Variants in SGCZ observed in about 807,000 individuals in gnomAD.
SGCZ encodes the protein sarcoglycan zeta.
Under a neutral mutation model 41.3 loss-of-function variants are expected in SGCZ, and 40 were observed. The observed-to-expected ratio is 0.97, with a 90% CI of 0.75 to 1.26. The LOEUF (loss-of-function observed/expected upper bound fraction) is 1.26, where lower values mean the gene tolerates loss of function less well. SGCZ is among the 50% of genes most tolerant of loss of function. The pLI, the probability that SGCZ is intolerant of heterozygous loss-of-function variation, is 0.00. For missense variants in SGCZ, 552 were observed against 369.8 expected (o/e 1.49, Z -4.04); for synonymous variants, 206 against 137.5 (o/e 1.50, Z -3.49).
intron 5 of SGCZ, among the ~76,000 whole-genome samples, chr8:14,146,945 G>C (rs1436041756): frequency 7.4e-6 from 1 of 134,708 alleles, no homozygotes; most frequent in African/African-American, 2.5e-5. Context: ...AGTACACTAA[G>C]GAATAAACAG....
chr8:15,234,575 A>G (rs1455808307), intron 1 of SGCZ, among the ~76,000 whole-genome samples: 1 of 152,232 alleles, frequency 6.6e-6, no homozygotes, highest in Non-Finnish European at 1.5e-5. Flanking sequence ...TTTTACACAC[A>G]TAACTGTATT....
chr8:14,214,291 G>C (rs1395761121), intron 4 of SGCZ, among the ~76,000 whole-genome samples: 1 of 152,128 alleles, frequency 6.6e-6, no homozygotes, highest in Admixed American at 6.5e-5. Context: ...ATCAAAGAAA[G>C]TCTGTGCAAC....
chr8:14,822,063 C>T (rs888317946), intron 1 of SGCZ, among the ~76,000 whole-genome samples: 1 of 139,118 alleles, frequency 7.2e-6, no homozygotes, highest in Non-Finnish European at 1.5e-5. Context: ...ATATAAAAAA[C>T]CCTAAAGATT....
intron 1 of SGCZ, among the ~76,000 whole-genome samples, chr8:14,613,762 G>T (rs770981673): frequency 1.3e-5 from 2 of 152,148 alleles, no homozygotes; most frequent in East Asian, 1.9e-4. Flanking sequence ...TTACAGGAAA[G>T]ATGTGAGGAT....
At chr8:14,875,575 A>G (rs1585339672) in intron 1 of SGCZ, among the ~76,000 whole-genome samples, 1 of 152,172 alleles carries the variant, frequency 6.6e-6, no homozygotes, top group East Asian at 1.9e-4. Flanking sequence ...GTAGCTGGCA[A>G]TAAAATACTA....
intron 6 of SGCZ, among the ~76,000 whole-genome samples, chr8:14,105,931 G>T (rs1022329286): frequency 3.3e-5 from 5 of 151,926 alleles, no homozygotes; most frequent in Admixed American, 2.0e-4. Flanking sequence ...ATAAATTTAA[G>T]TAAATTTAAA....
rs1413238047 is a variant in SGCZ, at chr8:14,806,943, A to G, written c.40-252017T>C. Among the ~76,000 whole-genome samples, 15 of 151,874 alleles carry G rather than the reference A, an allele frequency of 9.9e-5. 1 individual carries two copies. Among genetic ancestry groups the G allele is most frequent in the Middle Eastern group, 3.4e-3 (1 of 294 alleles). ...TGGTTCAATATATGCAAATCAATAA[A>G]TGTAATCCAGCATATAAACAGAGCC... On this transcript the variant is annotated intron_variant, in intron 1 of 7. Coordinates refer to ENST00000382080, the MANE Select transcript of SGCZ (RefSeq NM_139167.4).
At chr8:14,961,700 GATA>G (rs1231750821) in intron 1 of SGCZ, among the ~76,000 whole-genome samples, 1 of 152,048 alleles carries the variant, frequency 6.6e-6, no homozygotes, top group African/African-American at 2.4e-5. Context: ...ATTCCTGATG[GATA>G]AGGAGGAACT....
At chr8:14,688,661 T>C (rs1465675210) in intron 1 of SGCZ, among the ~76,000 whole-genome samples, 1 of 152,156 alleles carries the variant, frequency 6.6e-6, no homozygotes, top group African/African-American at 2.4e-5. Flanking sequence ...TGGCTTAGGA[T>C]TGACTTGGCA....
chr8:14,487,288 T>A (rs1801701740), intron 2 of SGCZ, among the ~76,000 whole-genome samples: 1 of 152,198 alleles, frequency 6.6e-6, no homozygotes, highest in African/African-American at 2.4e-5. Context: ...TATGAAACCA[T>A]CCTGTATCAA....
intron 3 of SGCZ, among the ~76,000 whole-genome samples, chr8:14,313,103 A>C (rs1801601606): frequency 6.6e-6 from 1 of 152,146 alleles, no homozygotes; most frequent in South Asian, 2.1e-4. Context: ...CTTCGAGCCA[A>C]GTTCTCTTTC....
At chr8:14,473,220 TAGAG>T (rs1184548858) in intron 2 of SGCZ, among the ~76,000 whole-genome samples, 3 of 152,150 alleles carry the variant, frequency 2.0e-5, no homozygotes, top group Non-Finnish European at 2.9e-5. Flanking sequence ...CTTTATGTAT[TAGAG>T]AAACAGATAA....
At chr8:14,498,992 G>T (rs953753921) in intron 2 of SGCZ, among the ~76,000 whole-genome samples, 1 of 151,504 alleles carries the variant, frequency 6.6e-6, no homozygotes, top group Non-Finnish European at 1.5e-5. Flanking sequence ...GAAAATACAT[G>T]TATTCTCTTT....
chr8:14,799,851 C>T (rs1371914670), intron 1 of SGCZ, among the ~76,000 whole-genome samples: 3 of 152,022 alleles, frequency 2.0e-5, no homozygotes, highest in Non-Finnish European at 4.4e-5. Flanking sequence ...AGTCTTATAG[C>T]TAAGCATTGG....
At chr8:14,931,903 A>G (rs1799931653) in intron 1 of SGCZ, among the ~76,000 whole-genome samples, 1 of 151,970 alleles carries the variant, frequency 6.6e-6, no homozygotes, top group South Asian at 2.1e-4. Flanking sequence ...CTGAAACATT[A>G]TCTTGACCAA....
chr8:14,299,544 A>G (rs1226743914), intron 3 of SGCZ, among the ~76,000 whole-genome samples: 1 of 151,964 alleles, frequency 6.6e-6, no homozygotes, highest in Non-Finnish European at 1.5e-5. Context: ...ATGGCCAGTA[A>G]GCACATAAAA....
In SGCZ at chr8:14,461,957, G is replaced by A. The variant is rs79507745; in HGVS notation, c.234+92775C>T. Among the ~76,000 whole-genome samples, 684 of 151,964 alleles carry A rather than the reference G, an allele frequency of 4.5e-3. 9 individuals are homozygous for A. Among genetic ancestry groups the A allele is most frequent in the African/African-American group, 0.015 (628 of 41,466 alleles). The stretch of plus-strand genomic sequence containing the variant: ...TATAATGCTTCCACTTTCTGAAAAC[G>A]TTTTAATACTTAGTAGGCATTTGGA... On this transcript the variant is annotated intron_variant, in intron 2 of 7. Transcript: ENST00000382080.
rs532616621 is a variant in SGCZ, at chr8:14,805,978, C to G, written c.40-251052G>C. On this transcript the variant is annotated intron_variant, in intron 1 of 7. Transcript: ENST00000382080. The stretch of plus-strand genomic sequence containing the variant: ...AACTGAACAACCTGCTCCTGAATGA[C>G]TACTGGGTACATAACGAAATGAAGG... Among the ~76,000 whole-genome samples the G allele has an allele frequency of 7.4e-4, 111 of 150,998 alleles. 2 individuals carry two copies. The South Asian group carries it at 8.1e-3, about 11-fold the overall frequency.
At chr8:14,750,492 G>C (rs1260782995) in intron 1 of SGCZ, among the ~76,000 whole-genome samples, 1 of 152,184 alleles carries the variant, frequency 6.6e-6, no homozygotes, top group Non-Finnish European at 1.5e-5. Flanking sequence ...GAAGGAAGGA[G>C]AGAGCTGTCT....
Sources: gnomAD v4.1 joint callset for allele counts (sites outside exome capture counted in the v4.1 genomes callset) on GRCh38, gnomAD v4.1.1 for gene constraint, MANE v1.5 for transcripts, NCBI Gene and HGNC (gene_info 2026-07-23, HGNC 2026-07-21) for gene names.